The following STXBP6 variants were observed in gnomAD, a reference collection of about 807,000 sequenced individuals.
STXBP6 encodes syntaxin binding protein 6.
A neutral mutation model predicts 26.9 loss-of-function variants in STXBP6; 21 were observed. The observed-to-expected ratio is 0.78, with a 90% confidence interval of 0.55 to 1.12. The LOEUF (loss-of-function observed/expected upper bound fraction) is 1.12, where lower values mean the gene tolerates loss of function less well. Ranked by LOEUF, STXBP6 falls within the 50% of genes most tolerant of loss-of-function variation. The pLI is 0.00. For synonymous variants in STXBP6, 97 were observed against 92.6 expected (o/e 1.05, Z -0.27); for missense variants, 232 against 257.9 (o/e 0.90, Z 0.69).
At chr14:24,883,502 A>C (rs2070452155) in intron 2 of STXBP6, among the ~76,000 whole-genome samples, 1 of 152,360 alleles carries the variant, frequency 6.6e-6, no homozygotes, top group East Asian at 1.9e-4. Flanking sequence ...AGGAAACCAC[A>C]AAAATTTATG....
At chr14:24,888,964 C>T (rs1750693148) in intron 2 of STXBP6, among the ~76,000 whole-genome samples, 1 of 152,002 alleles carries the variant, frequency 6.6e-6, no homozygotes, top group African/African-American at 2.4e-5. Context: ...GCTCCCAGGA[C>T]CCTGGCAGCC....
chr14:24,879,279 A>T (rs1453530654), intron 2 of STXBP6, among the ~76,000 whole-genome samples: 2 of 152,214 alleles, frequency 1.3e-5, no homozygotes. Context: ...CAACATTTAA[A>T]TGTGTTTATT....
intron 2 of STXBP6, among the ~76,000 whole-genome samples, chr14:24,920,832 G>A (rs1256564092): frequency 5.3e-5 from 8 of 152,008 alleles, no homozygotes; most frequent in Non-Finnish European, 7.4e-5. Flanking sequence ...ACTGGAGACC[G>A]TCTTTACCCA....
At chr14:24,950,924 T>C (rs946223997) in intron 2 of STXBP6, among the ~76,000 whole-genome samples, 5 of 151,822 alleles carry the variant, frequency 3.3e-5, no homozygotes, top group African/African-American at 1.2e-4. Flanking sequence ...CCGTGTGTAA[T>C]GTTCCCCTCC....
At position 24,974,769 on chromosome 14, in the gene STXBP6, T is replaced by C; in HGVS notation, c.50A>G (p.Glu17Gly). Residue 17 changes from glutamate (E) to glycine (G), a missense_variant, in exon 2 of 6, where the codon GAA (glutamate) becomes GGA (glycine). By Grantham distance (98) the Glu-to-Gly change is moderately conservative. Coordinates refer to ENST00000323944, the MANE Select transcript of STXBP6 (RefSeq NM_001394410.1). The stretch of plus-strand genomic sequence containing the variant: ...GACTTGGACAGCTCCCAGCATCCTT[T>C]CATCAAGAGGTGCAAAAATTTCCTT... Reference protein sequence around the residue: ...ISKEIFAPLDERMLGAVQVKR... With the variant: ...ISKEIFAPLDGRMLGAVQVKR... 1 of 1,607,550 alleles carries C rather than the reference T, an allele frequency of 6.2e-7. No individual in the cohort carries two copies. Among genetic ancestry groups the C allele is most frequent in the Non-Finnish European group, 8.5e-7 (1 of 1,176,364 alleles).
intron 2 of STXBP6, among the ~76,000 whole-genome samples, chr14:24,942,434 G>A (rs1049527298): frequency 1.3e-5 from 2 of 152,178 alleles, no homozygotes; most frequent in African/African-American, 2.4e-5. Flanking sequence ...GGTGAAGCTG[G>A]GAAGGAGGAG....
At chr14:24,838,768 C>T (rs1203793083) in intron 4 of STXBP6, among the ~76,000 whole-genome samples, 2 of 152,014 alleles carry the variant, frequency 1.3e-5, no homozygotes, top group Non-Finnish European at 2.9e-5. Context: ...CTAATAATTC[C>T]TTTTAGAAAT....
At chr14:25,035,281 A>C (rs1330630736) in intron 1 of STXBP6, among the ~76,000 whole-genome samples, 1 of 152,170 alleles carries the variant, frequency 6.6e-6, no homozygotes, top group Non-Finnish European at 1.5e-5. Context: ...CCTGACCTAC[A>C]TCCTAGTTAC....
At chr14:25,045,673 G>A (rs575351601) in intron 1 of STXBP6, among the ~76,000 whole-genome samples, 11 of 149,064 alleles carry the variant, frequency 7.4e-5, no homozygotes, top group African/African-American at 2.2e-4. Context: ...GCACGATCTC[G>A]GCTCACTGCA....
intron 1 of STXBP6, among the ~76,000 whole-genome samples, chr14:25,012,355 A>T (rs933968211): frequency 1.3e-5 from 2 of 152,226 alleles, no homozygotes; most frequent in Non-Finnish European, 2.9e-5. Context: ...ACAGTCAGGC[A>T]TGTTGGCTCA....
At chr14:24,935,825 C>T (rs1469173449) in intron 2 of STXBP6, among the ~76,000 whole-genome samples, 1 of 152,164 alleles carries the variant, frequency 6.6e-6, no homozygotes, top group Non-Finnish European at 1.5e-5. Flanking sequence ...AGATGTAGCA[C>T]TGCTCTTGGA....
At chr14:25,011,320 T>C (rs1241172993) in intron 1 of STXBP6, among the ~76,000 whole-genome samples, 4 of 152,220 alleles carry the variant, frequency 2.6e-5, no homozygotes, top group Non-Finnish European at 5.9e-5. Context: ...CACCTGAGGC[T>C]GTCAGGTACC....
intron 1 of STXBP6, among the ~76,000 whole-genome samples, chr14:24,980,975 T>C (rs80290239): frequency 0.11 from 17,413 of 152,208 alleles, 1,085 homozygotes; most frequent in African/African-American, 0.14. Flanking sequence ...TGCAACTTGT[T>C]TTCTGAATGA....
intron 2 of STXBP6, among the ~76,000 whole-genome samples, chr14:24,931,127 A>C (rs1051039325): frequency 1.5e-5 from 2 of 136,776 alleles, no homozygotes; most frequent in Non-Finnish European, 1.6e-5. Context: ...CAAAAAAAAA[A>C]AAAAAAAAAA....
chr14:25,042,801 G>A (rs1291727011), intron 1 of STXBP6, among the ~76,000 whole-genome samples: 1 of 152,192 alleles, frequency 6.6e-6, no homozygotes, highest in Non-Finnish European at 1.5e-5. Context: ...GAGGCACTGT[G>A]GCACCACACT....
chr14:24,981,929 G>C (rs1299661389), intron 1 of STXBP6, among the ~76,000 whole-genome samples: 1 of 152,140 alleles, frequency 6.6e-6, no homozygotes, highest in African/African-American at 2.4e-5. Context: ...AAATAATACA[G>C]AGTGAAAACA....
rs377252772 is a variant in STXBP6, at chr14:24,993,170, C to A, written c.-32-18320G>T. The stretch of plus-strand genomic sequence containing the variant: ...AAACACATCACATCTATACCTTCAG[C>A]CCACATGTTCAGAATGAATTTCCAC... On this transcript the variant is annotated intron_variant, in intron 1 of 5. Coordinates refer to ENST00000323944, the MANE Select transcript of STXBP6 (RefSeq NM_001394410.1). 4.3e-4 allele frequency among the ~76,000 whole-genome samples: 66 copies of A among 152,268 alleles called. 1 individual carries two copies. The highest frequency in any genetic ancestry group is 1.5e-3 in the African/African-American group (64 of 41,540).
At chr14:24,813,314 G>A (rs8018496) in intron 5 of STXBP6, among the ~76,000 whole-genome samples, 69,673 of 151,960 alleles carry the variant, frequency 0.46, 17,652 homozygotes, top group African/African-American at 0.7. Context: ...TGTAAAACAC[G>A]GTCTATTGAA....
Position 24,819,022 on chromosome 14 carries a change from C to G in STXBP6, c.609+15G>C. 6.4e-7 allele frequency: 1 copy of G among 1,559,854 alleles called. No individual in the cohort carries two copies. The highest frequency in any genetic ancestry group is 8.7e-7 in the Non-Finnish European group (1 of 1,150,458). On this transcript the variant is annotated intron_variant, in intron 5 of 5. Transcript: ENST00000323944. ...ACACCCCAGAGCTGAGAAGCCTGCT[C>G]CTCTCTTGGCCCACCTTGTGCGCAG...
Sources: allele counts gnomAD v4.1 joint callset (sites outside exome capture counted in the v4.1 genomes callset), GRCh38; gene constraint gnomAD v4.1.1; transcripts MANE v1.5; gene names NCBI Gene and HGNC (gene_info 2026-07-23, HGNC 2026-07-21).